NEXMIF: variants seen among roughly 807,000 people sequenced by gnomAD.
NEXMIF encodes neurite extension and migration factor, also known as XLMR protein related to neurite extension.
In NEXMIF, 8 loss-of-function variants were observed where a neutral mutation model predicts 62.1. That is an observed-to-expected ratio of 0.13 (90% CI 0.08 to 0.23). The LOEUF (loss-of-function observed/expected upper bound fraction) is 0.23. NEXMIF is among the 10% of genes least tolerant of loss of function. NEXMIF has a pLI of 1.00. For missense variants in NEXMIF, 976 were observed against 1,113.3 expected (o/e 0.88, Z 1.75); for synonymous variants, 404 against 416.6 (o/e 0.97, Z 0.37).
intron 1 of NEXMIF, chrX:74,769,728 A>G (rs892314160): frequency 2.1e-5 from 13 of 611,455 alleles, no homozygotes; most frequent in Non-Finnish European, 3.7e-5. Context: ...TTTCCACTGG[A>G]GTTACTGAAA....
chrX:74,870,506 G>T (rs576058460), intron 1 of NEXMIF, among the ~76,000 whole-genome samples: 7 of 111,494 alleles, frequency 6.3e-5, no homozygotes, highest in African/African-American at 2.3e-4. Flanking sequence ...CACAGCAAAG[G>T]AAACAATCAA....
chrX:74,804,677 T>C (rs925066611), intron 1 of NEXMIF, among the ~76,000 whole-genome samples: 1 of 111,800 alleles, frequency 8.9e-6, no homozygotes. Flanking sequence ...GTGGACGGAA[T>C]GGGTCTCTTT....
chrX:74,854,242 T>A (rs1159259093), intron 1 of NEXMIF, among the ~76,000 whole-genome samples: 1 of 112,218 alleles, frequency 8.9e-6, no homozygotes, highest in Non-Finnish European at 1.9e-5. Context: ...TCAAATGGGA[T>A]CTATCCCAGG....
chrX:74,739,097 G>T lies in NEXMIF; in HGVS notation c.*308C>A, dbSNP rs2080093623. 1 of 158,758 alleles carries T rather than the reference G, an allele frequency of 6.3e-6. No individual in the cohort carries two copies. The highest frequency in any genetic ancestry group is 1.2e-5 in the Non-Finnish European group (1 of 83,943). The allele number at this position is 158,758 out of a possible 1,213,427, so 13.1% of individuals were successfully genotyped here. ...GGGTGGTTAATAGCAAGAATCACTGGAATGTTTCTAGTAAATTAACAGGGA... is the reference window on the plus strand; with the variant it reads ...GGGTGGTTAATAGCAAGAATCACTGTAATGTTTCTAGTAAATTAACAGGGA... On this transcript the variant is annotated 3_prime_UTR_variant, in exon 4 of 4. Coordinates refer to ENST00000055682, the MANE Select transcript of NEXMIF (RefSeq NM_001008537.3).
chrX:74,878,850 G>C (rs916412985), intron 1 of NEXMIF, among the ~76,000 whole-genome samples: 1 of 112,056 alleles, frequency 8.9e-6, no homozygotes, highest in Non-Finnish European at 1.9e-5. Context: ...GCTTCAGCTC[G>C]CGCATGGTGC....
chrX:74,917,609 A>C (rs1198879093), intron 1 of NEXMIF, among the ~76,000 whole-genome samples: 1 of 111,409 alleles, frequency 9.0e-6, no homozygotes, highest in Non-Finnish European at 1.9e-5. Context: ...TAATACTCCA[A>C]AAAGCTCATG....
intron 3 of NEXMIF, 81 bp downstream of exon 3, chrX:74,740,019 G>A (rs751517761): frequency 8.1e-4 from 769 of 947,676 alleles, no homozygotes; most frequent in Non-Finnish European, 1.1e-3. Flanking sequence ...TTTCAAGAGG[G>A]AAAAAATGAG....
chrX:74,740,218 A>G lies in NEXMIF; in HGVS notation c.4339T>C (p.Leu1447=). The change falls in exon 3 of 4, where the codon TTG becomes CTG. Residue 1447 remains leucine (L), a synonymous_variant. Coordinates refer to ENST00000055682, the MANE Select transcript of NEXMIF (RefSeq NM_001008537.3). ...TTGGAGCTGGATTTGTGACGATACA[A>G]CTTTTTGTGTGTCGGTCCGTTATTG... ...LGNNGPTHKK[L]YRHKSSSKAL... The G allele has an allele frequency of 3.6e-5, 43 of 1,211,178 alleles. No individual in the cohort carries two copies. Among genetic ancestry groups the G allele is most frequent in the Non-Finnish European group, 4.8e-5 (43 of 895,329 alleles).
chrX:74,874,175 T>G (rs2080617659), intron 1 of NEXMIF, among the ~76,000 whole-genome samples: 1 of 109,462 alleles, frequency 9.1e-6, no homozygotes, highest in South Asian at 4.0e-4. Flanking sequence ...TTGTATAAGG[T>G]GTAAGGAAGG....
At chrX:74,895,860 A>C (rs1244864464) in intron 1 of NEXMIF, among the ~76,000 whole-genome samples, 1 of 110,142 alleles carries the variant, frequency 9.1e-6, no homozygotes, top group Non-Finnish European at 1.9e-5. Context: ...CATAGAATGA[A>C]TGAATAAGGC....
chrX:74,823,606 C>A (rs1409933056), intron 1 of NEXMIF, among the ~76,000 whole-genome samples: 1 of 110,296 alleles, frequency 9.1e-6, no homozygotes, highest in Non-Finnish European at 1.9e-5. Flanking sequence ...GAAATATACA[C>A]TATAGTATTG....
intron 1 of NEXMIF, among the ~76,000 whole-genome samples, chrX:74,764,532 C>T (rs1329333154): frequency 8.9e-6 from 1 of 111,889 alleles, no homozygotes; most frequent in Non-Finnish European, 1.9e-5. Context: ...GGAATAGTTT[C>T]AGAAGGAATG....
chrX:74,903,004 A>G (rs2080753703), intron 1 of NEXMIF, among the ~76,000 whole-genome samples: 1 of 111,190 alleles, frequency 9.0e-6, no homozygotes, highest in Non-Finnish European at 1.9e-5. Context: ...GCTTTAGCTC[A>G]GCTGCCTTTG....
At chrX:74,748,254 A>G (rs745761514) in intron 1 of NEXMIF, among the ~76,000 whole-genome samples, 1 of 112,167 alleles carries the variant, frequency 8.9e-6, no homozygotes, top group Non-Finnish European at 1.9e-5. Context: ...CTTAGTGATT[A>G]TCAATAATTT....
chrX:74,893,635 T>A (rs1175994263), intron 1 of NEXMIF, among the ~76,000 whole-genome samples: 54 of 112,776 alleles, frequency 4.8e-4, no homozygotes, highest in African/African-American at 1.7e-3. Context: ...GGAAAAACTC[T>A]ATTTAGGCAA....
At chrX:74,875,143 C>G (rs1036947206) in intron 1 of NEXMIF, among the ~76,000 whole-genome samples, 4 of 111,012 alleles carry the variant, frequency 3.6e-5, no homozygotes, top group African/African-American at 9.9e-5. Context: ...TCATAGATAG[C>G]TCTTATTATT....
intron 1 of NEXMIF, among the ~76,000 whole-genome samples, chrX:74,823,905 C>T (rs1346717969): frequency 9.0e-6 from 1 of 111,293 alleles, no homozygotes; most frequent in East Asian, 2.8e-4. Flanking sequence ...TAAATTATTT[C>T]AAAATTAAAA....
chrX:74,739,846 A>C (rs2080096007), intron 3 of NEXMIF: 6 of 383,702 alleles, frequency 1.6e-5, no homozygotes, highest in South Asian at 6.0e-5. Flanking sequence ...TGAATAGCAG[A>C]AGAAGAAATA....
chrX:74,905,529 G>A (rs1186397776), intron 1 of NEXMIF, among the ~76,000 whole-genome samples: 5 of 112,181 alleles, frequency 4.5e-5, no homozygotes, highest in Admixed American at 1.9e-4. Flanking sequence ...AAAGACAAAC[G>A]TCGGGCACAG....
Sources: allele counts gnomAD v4.1 joint callset (sites outside exome capture counted in the v4.1 genomes callset), GRCh38; gene constraint gnomAD v4.1.1; transcripts MANE v1.5; gene names NCBI Gene and HGNC (gene_info 2026-07-23, HGNC 2026-07-21).